ZNF385D: variants seen among roughly 807,000 people sequenced by gnomAD.
ZNF385D encodes zinc finger protein 385D, also known as zinc finger protein 659.
Under a neutral mutation model 35.8 loss-of-function variants are expected in ZNF385D, and 15 were observed. The ratio of observed to expected loss-of-function variants is 0.42; its 90% CI spans 0.28 to 0.64. The LOEUF (loss-of-function observed/expected upper bound fraction) is 0.64. ZNF385D is among the 30% of genes least tolerant of loss of function. ZNF385D has a pLI of 0.23. For missense variants in ZNF385D, 474 were observed against 494.6 expected (o/e 0.96, Z 0.39); for synonymous variants, 212 against 186.8 (o/e 1.13, Z -1.10).
At chr3:22,138,893 G>T (rs1041691210) in intron 3 of ZNF385D, among the ~76,000 whole-genome samples, 3 of 152,026 alleles carry the variant, frequency 2.0e-5, no homozygotes, top group Admixed American at 6.6e-5. Context: ...CTACACAATG[G>T]GAGAAAATTT....
intron 3 of ZNF385D, among the ~76,000 whole-genome samples, chr3:22,126,330 T>C (rs1372283543): frequency 6.7e-4 from 58 of 86,524 alleles, no homozygotes; most frequent in African/African-American, 2.2e-3. Context: ...TTTTTTTTTT[T>C]CACTTTTTTG....
At chr3:21,442,220 T>G (rs1701896608) in intron 4 of ZNF385D, among the ~76,000 whole-genome samples, 1 of 152,160 alleles carries the variant, frequency 6.6e-6, no homozygotes. Context: ...GGCAAGAAAT[T>G]TATTCCTCTG....
chr3:22,115,433 A>G (rs1412219382), intron 3 of ZNF385D, among the ~76,000 whole-genome samples: 1 of 152,062 alleles, frequency 6.6e-6, no homozygotes, highest in Non-Finnish European at 1.5e-5. Context: ...AATTACTTCA[A>G]TATTTGAGCC....
At chr3:21,987,344 G>A (rs1478575995) in intron 3 of ZNF385D, among the ~76,000 whole-genome samples, 1 of 125,590 alleles carries the variant, frequency 8.0e-6, no homozygotes, top group African/African-American at 4.3e-5. Context: ...TCCTTCAGGA[G>A]CTCTTTTAGG....
At chr3:21,781,210 A>C (rs1230779411) in intron 3 of ZNF385D, among the ~76,000 whole-genome samples, 3 of 152,072 alleles carry the variant, frequency 2.0e-5, no homozygotes, top group Non-Finnish European at 4.4e-5. Flanking sequence ...TCTTTATTTC[A>C]AAGCGAGAAA....
At chr3:21,545,794 G>A (rs1457735017) in intron 3 of ZNF385D, among the ~76,000 whole-genome samples, 1 of 152,138 alleles carries the variant, frequency 6.6e-6, no homozygotes, top group Non-Finnish European at 1.5e-5. Flanking sequence ...TTCCTGACTT[G>A]TGTTCAGTAA....
At chr3:21,440,634 C>A (rs910648512) in intron 4 of ZNF385D, among the ~76,000 whole-genome samples, 2 of 152,094 alleles carry the variant, frequency 1.3e-5, no homozygotes, top group Non-Finnish European at 2.9e-5. Flanking sequence ...AAATGTACAA[C>A]ATTAATGTGA....
chr3:22,161,033 G>T, intron 3 of ZNF385D, among the ~76,000 whole-genome samples: 1 of 151,972 alleles, frequency 6.6e-6, no homozygotes, highest in Non-Finnish European at 1.5e-5. Context: ...TCTGTTCTTA[G>T]ACAAAATCCC....
chr3:22,301,218 A>C (rs1351638015), intron 2 of ZNF385D, among the ~76,000 whole-genome samples: 2 of 152,008 alleles, frequency 1.3e-5, no homozygotes, highest in Non-Finnish European at 2.9e-5. Flanking sequence ...TTATATATGG[A>C]ATCTTAAGAA....
chr3:22,314,207 G>C (rs1425399889), intron 2 of ZNF385D, among the ~76,000 whole-genome samples: 2 of 152,030 alleles, frequency 1.3e-5, no homozygotes, highest in Non-Finnish European at 2.9e-5. Flanking sequence ...GTGAGATTTT[G>C]GTGCACCCAC....
intron 2 of ZNF385D, among the ~76,000 whole-genome samples, chr3:22,280,633 AT>A (rs1466539178): frequency 2.6e-5 from 4 of 151,862 alleles, no homozygotes; most frequent in Non-Finnish European, 5.9e-5. Context: ...CTATGTGCCT[AT>A]TTTTATACCA....
At chr3:22,047,176 T>C (rs1433416063) in intron 3 of ZNF385D, among the ~76,000 whole-genome samples, 6 of 152,134 alleles carry the variant, frequency 3.9e-5, no homozygotes, top group African/African-American at 9.7e-5. Flanking sequence ...AATGTATACA[T>C]TGTAGAATGG....
intron 3 of ZNF385D, among the ~76,000 whole-genome samples, chr3:22,066,032 A>T (rs955631252): frequency 1.3e-5 from 2 of 152,174 alleles, no homozygotes; most frequent in Non-Finnish European, 2.9e-5. Flanking sequence ...GACCGTTCTT[A>T]CAACTGAAAG....
intron 3 of ZNF385D, among the ~76,000 whole-genome samples, chr3:22,036,806 T>C (rs540251169): frequency 1.4e-4 from 21 of 150,952 alleles, no homozygotes; most frequent in African/African-American, 3.2e-4. Context: ...TGGTGTGCTG[T>C]ACCCATTAAC....
intron 3 of ZNF385D, among the ~76,000 whole-genome samples, chr3:21,989,859 A>T (rs955235326): frequency 2.0e-5 from 3 of 152,154 alleles, no homozygotes; most frequent in African/African-American, 7.2e-5. Context: ...TGTTGATGGT[A>T]TATGTCAAGC....
chr3:22,263,997 A>G (rs1359847734), intron 2 of ZNF385D, among the ~76,000 whole-genome samples: 4 of 151,992 alleles, frequency 2.6e-5, no homozygotes, highest in Non-Finnish European at 4.4e-5. Context: ...TTCCCTGCTT[A>G]TTGTCTAGCT....
At chr3:21,563,764 C>CCTATTCCTT (rs1236614658) in intron 3 of ZNF385D, among the ~76,000 whole-genome samples, 1 of 152,098 alleles carries the variant, frequency 6.6e-6, no homozygotes, top group Non-Finnish European at 1.5e-5. Flanking sequence ...CTCTCCAATC[C>CCTATTCCTT]CTATTCCTTC....
chr3:22,268,553 G>A (rs1485143355), intron 2 of ZNF385D, among the ~76,000 whole-genome samples: 1 of 152,028 alleles, frequency 6.6e-6, no homozygotes, highest in Non-Finnish European at 1.5e-5. Flanking sequence ...AAAGCAGTAA[G>A]GGGCAATATG....
At chr3:21,936,085 G>T (rs1701241650) in intron 3 of ZNF385D, among the ~76,000 whole-genome samples, 1 of 152,074 alleles carries the variant, frequency 6.6e-6, no homozygotes, top group Non-Finnish European at 1.5e-5. Context: ...CCAGAGACCA[G>T]TTACACAGCT....
Sources: gnomAD v4.1 joint callset for allele counts (sites outside exome capture counted in the v4.1 genomes callset) on GRCh38, gnomAD v4.1.1 for gene constraint, MANE v1.5 for transcripts, NCBI Gene and HGNC (gene_info 2026-07-23, HGNC 2026-07-21) for gene names.